Variants in NTN1 observed in about 807,000 individuals in gnomAD.
NTN1 encodes the protein netrin-1.
In NTN1, 11 loss-of-function variants were observed where a neutral mutation model predicts 54.2. The observed-to-expected ratio is 0.20, with a 90% CI of 0.13 to 0.34. The LOEUF (loss-of-function observed/expected upper bound fraction) is 0.34, where lower values mean the gene tolerates loss of function less well. NTN1 is among the 10% of genes least tolerant of loss of function. NTN1 has a pLI of 1.00. For synonymous variants in NTN1, 371 were observed against 382.0 expected, an observed-to-expected ratio of 0.97 and a Z score of 0.33; for missense variants, 740 against 893.1, an observed-to-expected ratio of 0.83 and a Z score of 2.18.
chr17:9,098,771 G>C (rs913914370), intron 2 of NTN1, among the ~76,000 whole-genome samples: 2 of 151,994 alleles, frequency 1.3e-5, no homozygotes, highest in Non-Finnish European at 2.9e-5. Flanking sequence ...GGAGAGAAGC[G>C]ATTTTTCTCT....
intron 2 of NTN1, among the ~76,000 whole-genome samples, chr17:9,041,804 T>A (rs1235065551): frequency 6.6e-6 from 1 of 151,764 alleles, no homozygotes; most frequent in Non-Finnish European, 1.5e-5. Context: ...AGGTCAGGAG[T>A]TCGAGACCAG....
intron 2 of NTN1, among the ~76,000 whole-genome samples, chr17:9,103,581 G>A (rs1441617620): frequency 6.6e-6 from 1 of 151,818 alleles, no homozygotes; most frequent in South Asian, 2.1e-4. Context: ...CTGAAGCCTC[G>A]CCAGCCATGG....
At chr17:9,079,059 T>A (rs2092061179) in intron 2 of NTN1, among the ~76,000 whole-genome samples, 1 of 152,210 alleles carries the variant, frequency 6.6e-6, no homozygotes, top group South Asian at 2.1e-4. Flanking sequence ...AGCCTTGGGT[T>A]CTGGGGGAGA....
intron 2 of NTN1, among the ~76,000 whole-genome samples, chr17:9,127,077 G>T (rs114259412): frequency 2.3e-4 from 34 of 145,910 alleles, no homozygotes; most frequent in Admixed American, 1.6e-3. Context: ...GGGCCGGGGG[G>T]GGGCAGGACA....
chr17:9,018,605 T>A (rs9914267), upstream of NTN1, among the ~76,000 whole-genome samples: 2 of 133,736 alleles, frequency 1.5e-5, no homozygotes, highest in Non-Finnish European at 3.2e-5. Flanking sequence ...GCCTGGGCAA[T>A]AGGGCAAGAC....
At chr17:9,076,487 C>T (rs1295718743) in intron 2 of NTN1, among the ~76,000 whole-genome samples, 8 of 152,198 alleles carry the variant, frequency 5.3e-5, no homozygotes, top group African/African-American at 1.9e-4. Context: ...ATCCTCCCAC[C>T]TCAGCATCCC....
intron 2 of NTN1, among the ~76,000 whole-genome samples, chr17:9,129,031 C>T (rs1310982314): frequency 1.3e-5 from 2 of 152,190 alleles, no homozygotes; most frequent in Non-Finnish European, 2.9e-5. Context: ...TGGGGCTTGG[C>T]TCTGTGATCC....
chr17:9,176,355 G>T (rs2092400142), intron 3 of NTN1: 1 of 152,406 alleles, frequency 6.6e-6, no homozygotes, highest in African/African-American at 2.4e-5. Flanking sequence ...GGGAATATGT[G>T]TGAGTCTCTG....
chr17:9,035,181 T>C lies in NTN1; in HGVS notation c.1018+11790T>C, dbSNP rs948516858. 4.0e-5 allele frequency among the ~76,000 whole-genome samples: 6 copies of C among 151,504 alleles called. No individual in the cohort carries two copies. The South Asian group carries it at 1.0e-3, about 27-fold the overall frequency. ...CAGGATGGTCTCGATCTCCTGACCT[T>C]GTGATCCGCCCGCCTCAGCCTCCCA... On this transcript the variant is annotated intron_variant, in intron 2 of 6. Coordinates refer to ENST00000173229, the MANE Select transcript of NTN1 (RefSeq NM_004822.3).
intron 6 of NTN1, among the ~76,000 whole-genome samples, chr17:9,233,773 C>T (rs934347764): frequency 1.3e-5 from 2 of 152,024 alleles, no homozygotes; most frequent in Non-Finnish European, 2.9e-5. Context: ...AGACCAGATG[C>T]TCACTCTGGT....
chr17:9,057,871 G>A (rs1235450493), intron 2 of NTN1, among the ~76,000 whole-genome samples: 1 of 152,164 alleles, frequency 6.6e-6, no homozygotes, highest in African/African-American at 2.4e-5. Flanking sequence ...ATTTTTAAAT[G>A]TTTCTCCCAT....
upstream of NTN1, among the ~76,000 whole-genome samples, chr17:9,019,772 C>A (rs1333680180): frequency 1.3e-5 from 2 of 152,226 alleles, no homozygotes; most frequent in Admixed American, 6.5e-5. Context: ...TATACCATTG[C>A]GATTTCACAG....
chr17:9,109,841 T>C (rs539775077), intron 2 of NTN1, among the ~76,000 whole-genome samples: 1 of 152,384 alleles, frequency 6.6e-6, no homozygotes, highest in South Asian at 2.1e-4. Context: ...GCATTGTTGA[T>C]TTAATTTGCA....
chr17:9,226,163 G>GGGA (rs1555578681), intron 6 of NTN1, among the ~76,000 whole-genome samples: 3 of 142,264 alleles, frequency 2.1e-5, no homozygotes, highest in Non-Finnish European at 4.7e-5. Context: ...ATTTGGGGTC[G>GGGA]GGGGGGGGCC....
chr17:9,140,775 G>A (rs760583234), intron 2 of NTN1, among the ~76,000 whole-genome samples: 3 of 152,204 alleles, frequency 2.0e-5, no homozygotes, highest in Admixed American at 6.5e-5. Flanking sequence ...GGAAAAGGTC[G>A]TCTCTCCCTA....
At chr17:9,099,363 C>T (rs1472060610) in intron 2 of NTN1, among the ~76,000 whole-genome samples, 1 of 152,174 alleles carries the variant, frequency 6.6e-6, no homozygotes, top group Non-Finnish European at 1.5e-5. Context: ...CGAGTTTGCG[C>T]CATTGCACTC....
intron 2 of NTN1, among the ~76,000 whole-genome samples, chr17:9,069,118 A>G (rs951320597): frequency 6.6e-6 from 1 of 152,122 alleles, no homozygotes; most frequent in Non-Finnish European, 1.5e-5. Flanking sequence ...CCGTTCATCA[A>G]GACTTCAGTA....
chr17:9,006,424 T>C, the NTN1 span, among the ~76,000 whole-genome samples: 3 of 152,192 alleles, frequency 2.0e-5, no homozygotes, highest in African/African-American at 4.8e-5. Context: ...GGTGGACTCC[T>C]GAGCCCTTTG....
At chr17:9,087,573 A>C (rs572902602) in intron 2 of NTN1, among the ~76,000 whole-genome samples, 2 of 152,276 alleles carry the variant, frequency 1.3e-5, no homozygotes, top group Non-Finnish European at 2.9e-5. Context: ...GCAGGGAGAC[A>C]TCATTTGGTG....
Sources: gnomAD v4.1 joint callset for allele counts (sites outside exome capture counted in the v4.1 genomes callset) on GRCh38, gnomAD v4.1.1 for gene constraint, MANE v1.5 for transcripts, NCBI Gene and HGNC (gene_info 2026-07-23, HGNC 2026-07-21) for gene names.